CHD4: variants seen among roughly 807,000 people sequenced by gnomAD.
The protein encoded by CHD4 is ATP-dependent chromatin remodeler CHD4.
In CHD4, 35 loss-of-function variants were observed where a neutral mutation model predicts 235.5. The ratio of observed to expected loss-of-function variants is 0.15; its 90% CI spans 0.11 to 0.20. The LOEUF is 0.20. CHD4 is among the 10% of genes least tolerant of loss of function. The pLI, the probability that CHD4 is intolerant of heterozygous loss-of-function variation, is 1.00. For synonymous variants in CHD4, 900 were observed against 850.2 expected (o/e 1.06, Z -1.02); for missense variants, 1,329 against 2,432.3 (o/e 0.55, Z 9.54).
In CHD4 at chr12:6,583,082, G is replaced by A. The variant is rs974734141; in HGVS notation, c.4092C>T (p.Ser1364=). Residue 1364 remains serine, a synonymous_variant, in exon 27 of 40, where the codon TCC becomes TCT. Transcript: ENST00000544040. ...DWQDDQSDNQ[S]DYSVASEEGD... is the part of the protein sequence containing the mutation. ...CTTCCTCTGAAGCCACTGAGTAATC[G>A]GACTGGTTGTCGGACTGGTCGTCCT... 2 of 1,580,428 alleles carry A rather than the reference G, an allele frequency of 1.3e-6. No individual in the cohort carries two copies. The highest frequency in any genetic ancestry group is 8.6e-7 in the Non-Finnish European group (1 of 1,163,262).
At chr12:6,576,994 T>C (rs993394504) in intron 37 of CHD4, among the ~76,000 whole-genome samples, 4 of 152,014 alleles carry the variant, frequency 2.6e-5, no homozygotes, top group Non-Finnish European at 5.9e-5. Context: ...TGGAGTGCCG[T>C]AGCACGATCT....
At chr12:6,605,996 G>A (rs1300171127) in intron 2 of CHD4, among the ~76,000 whole-genome samples, 2 of 152,124 alleles carry the variant, frequency 1.3e-5, no homozygotes, top group African/African-American at 4.8e-5. Flanking sequence ...CACATACCAG[G>A]TAATGCCTGC....
intron 25 of CHD4, 95 bp downstream of exon 25, chr12:6,587,289 C>T: frequency 7.8e-7 from 1 of 1,277,484 alleles, no homozygotes; most frequent in Non-Finnish European, 1.1e-6. Flanking sequence ...AATTTGCCTA[C>T]AGATATTTTC....
Position 6,593,596 on chromosome 12 carries a change from G to C in CHD4, c.2334C>G (p.Phe778Leu). Residue 778 changes from phenylalanine (F) to leucine (L), a missense_variant, in exon 16 of 40, where the codon TTC (phenylalanine) becomes TTG (leucine). By Grantham distance (22) the Phe-to-Leu change is conservative (BLOSUM62 0). Transcript: ENST00000544040. The surrounding 1 kb of genome is among the most constrained non-coding windows in gnomAD (Gnocchi z 4.9). ...LYKEGHSKGP[F>L]LVSAPLSTII... Reference sequence around the variant, plus strand: ...TGGTAGAAAGAGGGGCGCTCACTAGGAAGGGGCCTTTGGAATGACCCTTTG... The same window carrying C: ...TGGTAGAAAGAGGGGCGCTCACTAGCAAGGGGCCTTTGGAATGACCCTTTG... 1 of 1,614,144 alleles carries C rather than the reference G, an allele frequency of 6.2e-7. No homozygotes were observed. The highest frequency in any genetic ancestry group is 8.5e-7 in the Non-Finnish European group (1 of 1,180,022).
chr12:6,574,050 A>G (rs2136192466), intron 37 of CHD4, among the ~76,000 whole-genome samples: 1 of 152,144 alleles, frequency 6.6e-6, no homozygotes, highest in South Asian at 2.1e-4. Context: ...TGCTATTTAA[A>G]AATATTTTTG....
rs773125129 is a variant in CHD4 at position 6,570,907 on chromosome 12, G to A, written c.5683C>T (p.Arg1895Cys). The change falls in exon 39 of 40, where the codon CGC (arginine) becomes TGC (cysteine). Residue 1895 changes from arginine to cysteine, a missense_variant. Physicochemically the swap from Arg to Cys is radical, Grantham distance 180. Transcript: ENST00000544040. ...LQMSERNILS[R>C]LANRAPEPTP... ...GGTTCGGGTGCCCGGTTTGCCAGGC[G>A]GCTGAGAATGTTACGCTCTGACATC... 5.0e-6 allele frequency: 8 copies of A among 1,614,036 alleles called. No homozygotes were observed. Among genetic ancestry groups the A allele is most frequent in the Non-Finnish European group, 6.8e-6 (8 of 1,180,026 alleles).
intron 11 of CHD4, 60 bp downstream of exon 11, chr12:6,598,162 C>T: frequency 1.9e-6 from 3 of 1,610,752 alleles, no homozygotes; most frequent in Non-Finnish European, 2.5e-6. Context: ...ATCCACAAGG[C>T]TCTTTTGTCA....
intron 38 of CHD4, 66 bp from the exon 39 acceptor site, chr12:6,571,098 G>A: frequency 6.4e-7 from 1 of 1,563,466 alleles, no homozygotes; most frequent in Non-Finnish European, 8.7e-7. Context: ...TACCCTAGTG[G>A]ACCAGCCCCC....
chr12:6,580,902 G>A (rs1948173338), intron 33 of CHD4, 142 bp downstream of exon 33: 7 of 858,112 alleles, frequency 8.2e-6, no homozygotes, highest in Non-Finnish European at 1.3e-5. Context: ...AGCTCCTCGG[G>A]AGGGTGAGGC....
intron 2 of CHD4, among the ~76,000 whole-genome samples, chr12:6,603,979 G>A (rs560172607): frequency 9.2e-5 from 14 of 152,284 alleles, no homozygotes; most frequent in Admixed American, 2.6e-4. Flanking sequence ...CTAGACAGTG[G>A]TAGAAGAGAA....
At position 6,570,464 on chromosome 12, in the gene CHD4, G is replaced by A. The variant is rs1947944114; in HGVS notation, c.*212C>T. The A allele has an allele frequency of 1.0e-5, 6 of 602,378 alleles. No homozygotes were observed. The highest frequency in any genetic ancestry group is 4.5e-4 in the Middle Eastern group (1 of 2,226). The allele number at this position is 602,378 out of a possible 1,614,324, so 37.3% of individuals were successfully genotyped here. ...CAGCCCGCCAGCTCCTGCAGATGGCGCCAGCGCTACTGCTGCATGTCTCTT... is the reference window on the plus strand; with the variant it reads ...CAGCCCGCCAGCTCCTGCAGATGGCACCAGCGCTACTGCTGCATGTCTCTT... On this transcript the variant is annotated 3_prime_UTR_variant, in exon 40 of 40. Transcript: ENST00000544040.
rs892859783 is a variant in CHD4, at chr12:6,592,881, A to G, written c.2653-64T>C. ...ACAGAGCTCTAGCAAATCTCTACAAAATTTCAAGTTTTTCACTGCCCAATA... is the reference window on the plus strand; with the variant it reads ...ACAGAGCTCTAGCAAATCTCTACAAGATTTCAAGTTTTTCACTGCCCAATA... On this transcript the variant is annotated intron_variant, in intron 17 of 39. Coordinates refer to ENST00000544040, the MANE Select transcript of CHD4 (RefSeq NM_001273.5). 3.8e-6 allele frequency: 6 copies of G among 1,570,326 alleles called. No individual in the cohort carries two copies. In the African/African-American group the frequency reaches 8.2e-5, roughly 21 times the overall value.
chr12:6,600,270 G>A lies in CHD4; in HGVS notation c.1189C>T (p.Leu397=). 3 of 1,614,176 alleles carry A rather than the reference G, an allele frequency of 1.9e-6. No individual in the cohort carries two copies. Among genetic ancestry groups the A allele is most frequent in the Non-Finnish European group, 2.5e-6 (3 of 1,180,030 alleles). Residue 397 remains leucine, a synonymous_variant, in exon 9 of 40, where the codon CTG becomes TTG. Coordinates refer to ENST00000544040, the MANE Select transcript of CHD4 (RefSeq NM_001273.5). ...GGAGCCTTCTCCATGTCGGGATCCA[G>A]GCAGACCATGTGGTAAGCACGGGGA... is the stretch of plus-strand genomic sequence containing the variant. ...TCPRAYHMVC[L]DPDMEKAPEG... is the part of the protein sequence containing the mutation.
At chr12:6,600,464 C>T in intron 8 of CHD4, 69 bp from the exon 9 acceptor site, 1 of 1,065,086 alleles carries the variant, frequency 9.4e-7, no homozygotes, top group Non-Finnish European at 1.5e-6. Context: ...CGACCCCTAT[C>T]TCCTTAGGGA....
At chr12:6,594,945 C>T (rs1439287842) in intron 14 of CHD4, among the ~76,000 whole-genome samples, 3 of 152,162 alleles carry the variant, frequency 2.0e-5, no homozygotes, top group South Asian at 2.1e-4. Context: ...GGTAAATAAT[C>T]GTTATGTCCC....
At position 6,601,998 on chromosome 12, in the gene CHD4, C is replaced by T; in HGVS notation, c.400G>A (p.Glu134Lys). ...KEKKSKSKRK[E>K]EEEEEDDDDD... The stretch of plus-strand genomic sequence containing the variant: ...TCATCATCCTCCTCCTCCTCCTCCT[C>T]CTTCCGCTTGGATTTGCTCTTCTTC... Residue 134 changes from glutamate to lysine, a missense_variant, in exon 4 of 40, where the codon GAG (glutamate) becomes AAG (lysine). By Grantham distance (56) the Glu-to-Lys change is moderately conservative. Coordinates refer to ENST00000544040, the MANE Select transcript of CHD4 (RefSeq NM_001273.5). 1.2e-6 allele frequency: 2 copies of T among 1,610,396 alleles called. No homozygotes were observed. Among genetic ancestry groups the T allele is most frequent in the Non-Finnish European group, 1.7e-6 (2 of 1,179,948 alleles).
intron 37 of CHD4, among the ~76,000 whole-genome samples, chr12:6,573,656 A>G (rs961854459): frequency 2.0e-5 from 3 of 152,038 alleles, no homozygotes; most frequent in African/African-American, 7.2e-5. Flanking sequence ...ATACATACCC[A>G]TATTATGTTT....
Position 6,587,399 on chromosome 12 carries a change from C to T in CHD4, c.3864G>A (p.Arg1288=), listed in dbSNP as rs1334081294. ...SSFKVAQYVV[R]EEEMGEEEEV... Reference sequence around the variant, plus strand: ...TCATACTCACCCCCATTTCTTCTTCCCGTACCACATACTGGGCCACTTTGA... The same window carrying T: ...TCATACTCACCCCCATTTCTTCTTCTCGTACCACATACTGGGCCACTTTGA... The change falls in exon 25 of 40, where the codon CGG becomes CGA. Residue 1288 remains arginine, a synonymous_variant. Coordinates refer to ENST00000544040, the MANE Select transcript of CHD4 (RefSeq NM_001273.5). The T allele has an allele frequency of 6.2e-7, 1 of 1,614,076 alleles. No individual in the cohort carries two copies. Among genetic ancestry groups the T allele is most frequent in the Non-Finnish European group, 8.5e-7 (1 of 1,180,044 alleles).
chr12:6,604,253 G>A (rs929900040), intron 2 of CHD4, among the ~76,000 whole-genome samples: 1 of 152,124 alleles, frequency 6.6e-6, no homozygotes, highest in Non-Finnish European at 1.5e-5. Flanking sequence ...CAACCTTGGC[G>A]ACAGAGTGAG....
Sources: gnomAD v4.1 joint callset for allele counts (sites outside exome capture counted in the v4.1 genomes callset) on GRCh38, gnomAD v4.1.1 for gene constraint, Gnocchi (gnomAD v3.1) non-coding constraint, MANE v1.5 for transcripts, NCBI Gene and HGNC (gene_info 2026-07-23, HGNC 2026-07-21) for gene names.